The following SLC24A2 variants were observed in gnomAD, a reference collection of about 807,000 sequenced individuals.
SLC24A2 encodes the protein solute carrier family 24 member 2.
In SLC24A2, 36 loss-of-function variants were observed where a neutral mutation model predicts 62.0. The ratio of observed to expected loss-of-function variants is 0.58; its 90% CI spans 0.44 to 0.77. The LOEUF is 0.77. SLC24A2 is among the 30% of genes least tolerant of loss of function. The pLI is 0.00. For synonymous variants in SLC24A2, 358 were observed against 294.0 expected, an observed-to-expected ratio of 1.22 and a Z score of -2.23; for missense variants, 846 against 817.9, an observed-to-expected ratio of 1.03 and a Z score of -0.42.
the SLC24A2 span, among the ~76,000 whole-genome samples, chr9:20,128,821 G>C: frequency 1.1e-4 from 17 of 152,006 alleles, no homozygotes; most frequent in Admixed American, 9.8e-4. Context: ...AAAATTAAGT[G>C]AAAAAGACAT....
the SLC24A2 span, among the ~76,000 whole-genome samples, chr9:20,236,989 C>G: frequency 3.3e-5 from 5 of 151,870 alleles, no homozygotes; most frequent in Admixed American, 1.3e-4. Context: ...CAGACAAACA[C>G]AATAAGCAAG....
rs140684644 is a variant in SLC24A2 at position 19,770,353 on chromosome 9, G to T, written c.930+15584C>A. Among the ~76,000 whole-genome samples, 318 of 152,098 alleles carry T rather than the reference G, an allele frequency of 2.1e-3. 1 individual carries two copies. The highest frequency in any genetic ancestry group is 7.0e-3 in the African/African-American group (292 of 41,508). On this transcript the variant is annotated intron_variant, in intron 2 of 10. Coordinates refer to ENST00000341998, the MANE Select transcript of SLC24A2 (RefSeq NM_020344.4). ...TTAAAATCATACCCAAATATAGTTT[G>T]CCAGAAAGTGCTTTATTAATCTCTC... is the stretch of plus-strand genomic sequence containing the variant.
the SLC24A2 span, among the ~76,000 whole-genome samples, chr9:20,248,489 A>T: frequency 6.6e-6 from 1 of 152,174 alleles, no homozygotes; most frequent in Non-Finnish European, 1.5e-5. Flanking sequence ...TTAGATGCCC[A>T]TCTTCCTGCT....
chr9:19,640,559 T>G (rs921902208), intron 2 of SLC24A2, among the ~76,000 whole-genome samples: 3 of 150,360 alleles, frequency 2.0e-5, no homozygotes, highest in Admixed American at 1.3e-4. Context: ...TGGACAAAAT[T>G]TAAGGCAGTA....
the SLC24A2 span, among the ~76,000 whole-genome samples, chr9:20,127,566 T>G: frequency 6.6e-6 from 1 of 152,158 alleles, no homozygotes; most frequent in East Asian, 1.9e-4. Flanking sequence ...GACCTCTCTG[T>G]GAGTCTGTTT....
chr9:19,923,903 A>G, the SLC24A2 span, among the ~76,000 whole-genome samples: 2 of 152,090 alleles, frequency 1.3e-5, no homozygotes, highest in Non-Finnish European at 2.9e-5. Flanking sequence ...GTGCACCACC[A>G]TGTCTGGCTA....
the SLC24A2 span, among the ~76,000 whole-genome samples, chr9:20,162,806 G>T: frequency 6.6e-6 from 1 of 151,968 alleles, no homozygotes; most frequent in Non-Finnish European, 1.5e-5. Context: ...TTCATCCCTG[G>T]GATGCAAGAC....
the SLC24A2 span, among the ~76,000 whole-genome samples, chr9:19,898,573 T>C: frequency 2.0e-5 from 3 of 151,850 alleles, no homozygotes; most frequent in African/African-American, 4.8e-5. Context: ...AAACTCCATC[T>C]CTACTAAAAA....
chr9:20,229,446 G>A, the SLC24A2 span, among the ~76,000 whole-genome samples: 3 of 152,174 alleles, frequency 2.0e-5, no homozygotes, highest in Non-Finnish European at 2.9e-5. Flanking sequence ...TAGACAGTGT[G>A]TACAAGCTTT....
At chr9:19,545,881 C>G (rs1033472404) in intron 8 of SLC24A2, among the ~76,000 whole-genome samples, 1 of 152,192 alleles carries the variant, frequency 6.6e-6, no homozygotes, top group Admixed American at 6.5e-5. Flanking sequence ...TTGTGATCTG[C>G]CCTCCTCGGC....
the SLC24A2 span, among the ~76,000 whole-genome samples, chr9:19,801,830 A>G: frequency 1.3e-5 from 2 of 152,076 alleles, no homozygotes; most frequent in Non-Finnish European, 2.9e-5. Context: ...TTAGGAAATA[A>G]TCACTGTTTT....
chr9:19,728,815 T>A (rs1372993829), intron 2 of SLC24A2, among the ~76,000 whole-genome samples: 1 of 152,186 alleles, frequency 6.6e-6, no homozygotes, highest in Admixed American at 6.5e-5. Flanking sequence ...AGAGAGGGCA[T>A]ATTCAATATC....
the SLC24A2 span, among the ~76,000 whole-genome samples, chr9:19,989,186 A>C: frequency 6.6e-6 from 1 of 152,162 alleles, no homozygotes; most frequent in South Asian, 2.1e-4. Context: ...AACCATAATA[A>C]CTTTATATAA....
At chr9:20,182,730 T>TACCTAC in the SLC24A2 span, among the ~76,000 whole-genome samples, 2 of 152,130 alleles carry the variant, frequency 1.3e-5, no homozygotes, top group Non-Finnish European at 2.9e-5. Context: ...CATGTATACC[T>TACCTAC]ACGTAACAAA....
intron 2 of SLC24A2, among the ~76,000 whole-genome samples, chr9:19,784,158 A>G (rs572111585): frequency 1.3e-5 from 2 of 152,334 alleles, no homozygotes; most frequent in African/African-American, 4.8e-5. Flanking sequence ...AGATCATTCC[A>G]GGGCTACTTT....
the SLC24A2 span, among the ~76,000 whole-genome samples, chr9:20,117,901 TG>T: frequency 2.0e-5 from 3 of 152,150 alleles, no homozygotes; most frequent in Non-Finnish European, 4.4e-5. Flanking sequence ...GCATCAGAGT[TG>T]TTATTAATAT....
At chr9:19,570,921 TC>T (rs1835818900) in intron 7 of SLC24A2, among the ~76,000 whole-genome samples, 5 of 152,204 alleles carry the variant, frequency 3.3e-5, no homozygotes, top group Admixed American at 3.3e-4. Flanking sequence ...GCTCTTGAAC[TC>T]TGAGCCTAGC....
At chr9:19,962,545 G>C in the SLC24A2 span, among the ~76,000 whole-genome samples, 3 of 152,182 alleles carry the variant, frequency 2.0e-5, 1 homozygote, top group Admixed American at 6.5e-5. Flanking sequence ...TCATTGAGCA[G>C]TGGTTTGTAG....
the SLC24A2 span, among the ~76,000 whole-genome samples, chr9:20,034,839 G>A: frequency 1.3e-5 from 2 of 152,140 alleles, no homozygotes; most frequent in Non-Finnish European, 2.9e-5. Context: ...AATTGTTGGT[G>A]AATGTTCAAT....
Sources: gnomAD v4.1 joint callset for allele counts (sites outside exome capture counted in the v4.1 genomes callset) on GRCh38, gnomAD v4.1.1 for gene constraint, MANE v1.5 for transcripts, NCBI Gene and HGNC (gene_info 2026-07-23, HGNC 2026-07-21) for gene names.